Variants in TECRL observed in about 807,000 individuals in gnomAD.
The protein encoded by TECRL is trans-2,3-enoyl-CoA reductase-like.
In TECRL, 63 loss-of-function variants were observed where a neutral mutation model predicts 52.8. That is an observed-to-expected ratio of 1.19 (90% confidence interval 0.97 to 1.47). TECRL has a LOEUF of 1.47. Among genes scored for constraint, TECRL ranks in the 40% most tolerant of loss-of-function variants. The pLI, the probability that TECRL is intolerant of heterozygous loss-of-function variation, is 0.00. For synonymous variants in TECRL, 164 were observed against 141.9 expected (o/e 1.16, Z -1.10); for missense variants, 482 against 429.6 (o/e 1.12, Z -1.08).
At chr4:64,296,139 G>A (rs1321287144) in intron 8 of TECRL, among the ~76,000 whole-genome samples, 1 of 151,818 alleles carries the variant, frequency 6.6e-6, no homozygotes, top group Non-Finnish European at 1.5e-5. Flanking sequence ...GAAAATGAAA[G>A]CACTGAACTT....
At position 64,280,011 on chromosome 4, in the gene TECRL, A is replaced by G; in HGVS notation, c.*61T>C. On this transcript the variant is annotated 3_prime_UTR_variant, in exon 12 of 12. Coordinates refer to ENST00000381210, the MANE Select transcript of TECRL (RefSeq NM_001010874.5). ...GGAGTATAATAGTTAACTATCCTTAACTAAGTCTTATTTATTGAATTTATA... is the reference window on the plus strand; with the variant it reads ...GGAGTATAATAGTTAACTATCCTTAGCTAAGTCTTATTTATTGAATTTATA... 6.6e-7 allele frequency: 1 copy of G among 1,523,530 alleles called. No individual in the cohort carries two copies. Among genetic ancestry groups the G allele is most frequent in the South Asian group, 1.3e-5 (1 of 79,644 alleles). The allele number at this position is 1,523,530 out of a possible 1,614,324, so 94.4% of individuals were successfully genotyped here. A position where few individuals can be genotyped will look rare whatever the true frequency, so the allele number is the denominator to read the frequency against.
chr4:64,405,641 A>G (rs925808885), intron 1 of TECRL, among the ~76,000 whole-genome samples: 1 of 152,160 alleles, frequency 6.6e-6, no homozygotes, highest in Non-Finnish European at 1.5e-5. Context: ...AATAGGTTAC[A>G]GTATATGTTT....
chr4:64,319,300 A>G (rs367999716), intron 4 of TECRL, among the ~76,000 whole-genome samples: 2 of 148,894 alleles, frequency 1.3e-5, no homozygotes. Context: ...TGTGAAATTT[A>G]CAATAAAAAT....
chr4:64,395,105 T>C (rs1221476190), intron 1 of TECRL, among the ~76,000 whole-genome samples: 1 of 151,748 alleles, frequency 6.6e-6, no homozygotes, highest in Non-Finnish European at 1.5e-5. Context: ...AGAAACAGAT[T>C]GGCCAGGCTG....
chr4:64,300,061 T>C lies in TECRL; in HGVS notation c.731-44A>G, dbSNP rs749562884. 21 of 1,462,796 alleles carry C rather than the reference T, an allele frequency of 1.4e-5. No homozygotes were observed. In the Admixed American group the frequency reaches 3.7e-4, roughly 26 times the overall value. The allele number at this position is 1,462,796 out of a possible 1,614,324, so 90.6% of individuals were successfully genotyped here. A position where few individuals can be genotyped will look rare whatever the true frequency, so the allele number is the denominator to read the frequency against. ...ATATGTCATGCAGATACTCATAGTTTGGATTGTCAAATATATAGACATAAT... is the reference window on the plus strand; with the variant it reads ...ATATGTCATGCAGATACTCATAGTTCGGATTGTCAAATATATAGACATAAT... On this transcript the variant is annotated intron_variant, in intron 7 of 11. Coordinates refer to ENST00000381210, the MANE Select transcript of TECRL (RefSeq NM_001010874.5).
At chr4:64,395,914 G>A (rs1723914081) in intron 1 of TECRL, among the ~76,000 whole-genome samples, 1 of 152,114 alleles carries the variant, frequency 6.6e-6, no homozygotes, top group Non-Finnish European at 1.5e-5. Flanking sequence ...TTATAAGTAA[G>A]AACATGCAGT....
At chr4:64,293,100 C>T (rs926166194) in intron 8 of TECRL, among the ~76,000 whole-genome samples, 1 of 151,914 alleles carries the variant, frequency 6.6e-6, no homozygotes, top group Non-Finnish European at 1.5e-5. Context: ...TGTTAACGAA[C>T]GAATAATCCA....
chr4:64,310,067 T>C (rs1263344379), intron 5 of TECRL, 136 bp from the exon 6 acceptor site: 9 of 543,636 alleles, frequency 1.7e-5, no homozygotes, highest in East Asian at 9.8e-5. Context: ...AAAACACAAA[T>C]ACTTGCTTTA....
intron 1 of TECRL, among the ~76,000 whole-genome samples, chr4:64,389,438 G>T (rs1027341259): frequency 2.0e-5 from 3 of 151,842 alleles, no homozygotes; most frequent in Non-Finnish European, 4.4e-5. Flanking sequence ...TTTAAATGTT[G>T]GACTAGGCTT....
Position 64,409,298 on chromosome 4 carries a change from G to A in TECRL, c.54C>T (p.Ser18=). Residue 18 remains serine, a synonymous_variant, in exon 1 of 12, where the codon TCC becomes TCT. Transcript: ENST00000381210. The stretch of plus-strand genomic sequence containing the variant: ...TCAGTATGAACCGTGTAGCTCTTTG[G>A]GAAAGTAATGCTCTCTTGCGTTCCG... The part of the protein sequence containing the change: ...LASERKRALL[S]QRATRFILKD... 1 of 1,613,738 alleles carries A rather than the reference G, an allele frequency of 6.2e-7. No individual in the cohort carries two copies. The highest frequency in any genetic ancestry group is 1.7e-5 in the Admixed American group (1 of 59,972).
At chr4:64,327,822 C>T (rs1338874536) in intron 3 of TECRL, among the ~76,000 whole-genome samples, 3 of 151,894 alleles carry the variant, frequency 2.0e-5, no homozygotes, top group Non-Finnish European at 4.4e-5. Context: ...AAAAATTCAA[C>T]TCATTATTTA....
intron 2 of TECRL, among the ~76,000 whole-genome samples, chr4:64,365,101 A>G (rs1466885159): frequency 6.6e-6 from 1 of 152,136 alleles, no homozygotes; most frequent in Non-Finnish European, 1.5e-5. Context: ...AAGGTACACA[A>G]GTCAATAAAT....
At chr4:64,391,099 A>G (rs1276396013) in intron 1 of TECRL, among the ~76,000 whole-genome samples, 1 of 151,958 alleles carries the variant, frequency 6.6e-6, no homozygotes, top group East Asian at 1.9e-4. Flanking sequence ...TCTTGGAAGA[A>G]TTTGTCCTCA....
rs1284927827 is a variant in TECRL, at chr4:64,348,315, G to A, written c.287-19759C>T. ...CATTTATGAAACCATCAGATCTTGCGAGAATTCACTCACTATCAGGAGAAC... is the reference window on the plus strand; with the variant it reads ...CATTTATGAAACCATCAGATCTTGCAAGAATTCACTCACTATCAGGAGAAC... On this transcript the variant is annotated intron_variant, in intron 2 of 11. Transcript: ENST00000381210. Among the ~76,000 whole-genome samples the A allele has an allele frequency of 5.3e-5, 8 of 152,118 alleles. No homozygotes were observed. In the East Asian group the frequency reaches 1.2e-3, roughly 22 times the overall value.
intron 1 of TECRL, among the ~76,000 whole-genome samples, chr4:64,401,505 C>G (rs1230106811): frequency 6.6e-6 from 1 of 152,136 alleles, no homozygotes; most frequent in Non-Finnish European, 1.5e-5. Context: ...AACTAAATTT[C>G]TTTTACATAA....
intron 1 of TECRL, among the ~76,000 whole-genome samples, chr4:64,402,520 A>G (rs985587701): frequency 1.3e-5 from 2 of 152,122 alleles, no homozygotes; most frequent in Non-Finnish European, 2.9e-5. Context: ...ACATCTGCTT[A>G]TAGGAGACCC....
intron 9 of TECRL, among the ~76,000 whole-genome samples, chr4:64,284,443 A>G (rs1021454322): frequency 2.0e-5 from 3 of 147,986 alleles, no homozygotes; most frequent in African/African-American, 7.4e-5. Context: ...AATAGGATGC[A>G]CCACTTTTCA....
At chr4:64,294,043 G>C (rs1361153914) in intron 8 of TECRL, among the ~76,000 whole-genome samples, 1 of 151,364 alleles carries the variant, frequency 6.6e-6, no homozygotes, top group African/African-American at 2.4e-5. Flanking sequence ...CTGGAGTGCA[G>C]TGGCATGATC....
intron 2 of TECRL, among the ~76,000 whole-genome samples, chr4:64,338,132 T>G (rs1266668409): frequency 4.0e-5 from 6 of 151,872 alleles, no homozygotes; most frequent in Non-Finnish European, 8.8e-5. Flanking sequence ...ATACCACACA[T>G]CTACAACTAT....
Sources: gnomAD v4.1 joint callset for allele counts (sites outside exome capture counted in the v4.1 genomes callset) on GRCh38, gnomAD v4.1.1 for gene constraint, MANE v1.5 for transcripts, NCBI Gene and HGNC (gene_info 2026-07-23, HGNC 2026-07-21) for gene names.